Variants in MBP observed in about 807,000 individuals in gnomAD.
The protein encoded by MBP is Golli-MBP.
Under a neutral mutation model 35.8 loss-of-function variants are expected in MBP, and 16 were observed. The observed-to-expected ratio is 0.45, with a 90% CI of 0.30 to 0.68. MBP has a LOEUF of 0.68. Ranked by LOEUF, MBP falls within the 30% of genes least tolerant of loss-of-function variation. The pLI is 0.08. For synonymous variants in MBP, 143 were observed against 159.6 expected (o/e 0.90, Z 0.78); for missense variants, 380 against 404.7 (o/e 0.94, Z 0.52).
chr18:77,040,626 G>A (rs1255475958), intron 3 of MBP, among the ~76,000 whole-genome samples: 12 of 152,106 alleles, frequency 7.9e-5, no homozygotes, highest in East Asian at 1.9e-4. Context: ...AAATAATGCC[G>A]CGTATCTACA....
At chr18:77,015,485 A>G (rs894297710) in intron 4 of MBP, 3 of 985,446 alleles carry the variant, frequency 3.0e-6, no homozygotes, top group East Asian at 1.1e-4. Context: ...GTGAGGGAGG[A>G]CTGCTACAAA....
chr18:76,994,041 GTATT>G (rs149884920), intron 4 of MBP, among the ~76,000 whole-genome samples: 1 of 152,358 alleles, frequency 6.6e-6, no homozygotes, highest in East Asian at 1.9e-4. Context: ...GTGACCAGTT[GTATT>G]TAGTCACCAC....
chr18:77,048,901 G>A (rs930744959), intron 3 of MBP, among the ~76,000 whole-genome samples: 4 of 151,752 alleles, frequency 2.6e-5, no homozygotes, highest in Admixed American at 6.6e-5. Flanking sequence ...TAATCTCTAC[G>A]AGGGCAGGGT....
chr18:77,008,280 G>T (rs1468516105), intron 4 of MBP, among the ~76,000 whole-genome samples: 1 of 152,118 alleles, frequency 6.6e-6, no homozygotes, highest in African/African-American at 2.4e-5. Flanking sequence ...GGCAGGGGCT[G>T]GTGCATGCAG....
rs886494212 is a variant in MBP, at chr18:77,102,860, G to A, written c.51+2351C>T. Among the ~76,000 whole-genome samples, 1 of 152,072 alleles carries A rather than the reference G, an allele frequency of 6.6e-6. No individual in the cohort carries two copies. Among genetic ancestry groups the A allele is most frequent in the Non-Finnish European group, 1.5e-5 (1 of 68,010 alleles). On this transcript the variant is annotated intron_variant, in intron 2 of 8. Coordinates refer to ENST00000355994, the MANE Select transcript of MBP (RefSeq NM_001025101.2). This position sits in a 1 kb window ranked among gnomAD's most constrained non-coding sequence, Gnocchi z 4.4. ...ACTTTAGGTGAAACTTAATCCTCCT[G>A]GTGCAGATACTGTATCCAAGCCATG... is the stretch of plus-strand genomic sequence containing the variant.
intron 2 of MBP, among the ~76,000 whole-genome samples, chr18:77,083,647 TTAGC>T (rs1975070208): frequency 6.6e-6 from 1 of 152,250 alleles, no homozygotes; most frequent in Admixed American, 6.5e-5. Flanking sequence ...GGAATATTAC[TTAGC>T]TATATTTTAA....
chr18:77,056,994 A>G (rs1973752072), intron 3 of MBP, among the ~76,000 whole-genome samples: 1 of 152,164 alleles, frequency 6.6e-6, no homozygotes, highest in Non-Finnish European at 1.5e-5. Flanking sequence ...GCTGAGAAGC[A>G]GGGGGTCTTT....
intron 2 of MBP, among the ~76,000 whole-genome samples, chr18:77,086,168 A>G (rs1368199184): frequency 1.3e-5 from 2 of 152,250 alleles, no homozygotes; most frequent in Non-Finnish European, 1.5e-5. Context: ...CCCTGTGATC[A>G]GAAAGATGAA....
intron 2 of MBP, among the ~76,000 whole-genome samples, chr18:77,094,942 A>G (rs779931166): frequency 1.3e-5 from 2 of 152,198 alleles, no homozygotes; most frequent in Non-Finnish European, 2.9e-5. Flanking sequence ...ACAAATATAG[A>G]ACATCTCCAT....
In MBP at chr18:77,131,079, GCACGCGCACACACA is replaced by G. The variant is rs1220339963; in HGVS notation, c.-26+1487_-26+1500del. 5.1e-5 allele frequency among the ~76,000 whole-genome samples: 2 copies of G among 39,082 alleles called. No homozygotes were observed. The highest frequency in any genetic ancestry group is 1.3e-3 in the East Asian group (2 of 1,524). The allele number at this position is 39,082 out of a possible 152,430, so 25.6% of individuals were successfully genotyped here. On this transcript the variant is annotated intron_variant, in intron 1 of 8. Transcript: ENST00000355994. The surrounding 1 kb of genome is among the most constrained non-coding windows in gnomAD (Gnocchi z 5.5). Reference sequence around the variant, plus strand: ...AAACAAAACACACACACGCGCGCACGCACGCGCACACACACACACACACACACACACACACACAC... The same window carrying G: ...AAACAAAACACACACACGCGCGCACGCACACACACACACACACACACACAC...
At position 77,020,006 on chromosome 18, in the gene MBP, C is replaced by G. The variant is rs1292525541; in HGVS notation, c.140-2738G>C. Among the ~76,000 whole-genome samples the G allele has an allele frequency of 6.6e-6, 1 of 152,080 alleles. No individual in the cohort carries two copies. The highest frequency in any genetic ancestry group is 1.5e-5 in the Non-Finnish European group (1 of 68,006). On this transcript the variant is annotated intron_variant, in intron 3 of 8. Coordinates refer to ENST00000355994, the MANE Select transcript of MBP (RefSeq NM_001025101.2). This position sits in a 1 kb window ranked among gnomAD's most constrained non-coding sequence, Gnocchi z 4.1. ...AGCAGGGGTATCACAGCCTTGATGG[C>G]TGTGAACAGACTGTGGAAAGGGCAG...
upstream of MBP, among the ~76,000 whole-genome samples, chr18:77,133,107 C>T (rs62104566): frequency 0.1 from 15,950 of 152,184 alleles, 1,009 homozygotes; most frequent in Middle Eastern, 0.16. Flanking sequence ...CGACCCCGAC[C>T]TCGACCTCGC....
chr18:77,066,321 G>C lies in MBP; in HGVS notation c.116C>G (p.Thr39Ser). ...ACCGAACACTTCGTTGTCCTCTGAG[G>C]TTGTCCGTGAAAGTTCACCCAGGTT... ...KRNLGELSRT[T>S]SEDNEVFGEA... Residue 39 changes from threonine to serine, a missense_variant, in exon 3 of 9, where the codon ACC becomes AGC. Transcript: ENST00000355994. 1 of 1,614,108 alleles carries C rather than the reference G, an allele frequency of 6.2e-7. No individual in the cohort carries two copies. Among genetic ancestry groups the C allele is most frequent in the Non-Finnish European group, 8.5e-7 (1 of 1,179,952 alleles).
intron 2 of MBP, among the ~76,000 whole-genome samples, chr18:77,076,511 G>A (rs903948537): frequency 3.9e-5 from 6 of 152,342 alleles, no homozygotes; most frequent in Non-Finnish European, 7.3e-5. Context: ...CGTCGCTGCT[G>A]AGTCCTGCCT....
In MBP at chr18:76,984,922, C is replaced by T. The variant is rs1248039969; in HGVS notation, c.751-28G>A. The T allele has an allele frequency of 1.9e-6, 3 of 1,610,860 alleles. No homozygotes were observed. In the Admixed American group the frequency reaches 5.0e-5, roughly 27 times the overall value. On this transcript the variant is annotated intron_variant, in intron 7 of 8. Coordinates refer to ENST00000355994, the MANE Select transcript of MBP (RefSeq NM_001025101.2). Reference sequence around the variant, plus strand: ...GCAAGAGAAGACCACGGAGCTCAACCTCCACCCGCGGTGCTGGGCACGCTG... The same window carrying T: ...GCAAGAGAAGACCACGGAGCTCAACTTCCACCCGCGGTGCTGGGCACGCTG...
At chr18:77,125,910 A>G (rs1406400698) in intron 1 of MBP, among the ~76,000 whole-genome samples, 3 of 151,896 alleles carry the variant, frequency 2.0e-5, no homozygotes, top group African/African-American at 7.2e-5. Flanking sequence ...AGCTAAATAT[A>G]TACAAACAAA....
At chr18:77,123,864 G>A (rs1199234498) in intron 1 of MBP, among the ~76,000 whole-genome samples, 1 of 152,216 alleles carries the variant, frequency 6.6e-6, no homozygotes, top group Non-Finnish European at 1.5e-5. Flanking sequence ...GGAGCTTTAG[G>A]TTTCTTAATC....
chr18:77,067,271 T>A (rs2144811758), intron 2 of MBP, among the ~76,000 whole-genome samples: 1 of 152,172 alleles, frequency 6.6e-6, no homozygotes, highest in East Asian at 1.9e-4. Flanking sequence ...TGCACAATCA[T>A]CTGGGCACCT....
At chr18:77,080,447 G>A (rs1334017478) in intron 2 of MBP, among the ~76,000 whole-genome samples, 2 of 152,214 alleles carry the variant, frequency 1.3e-5, no homozygotes, top group African/African-American at 4.8e-5. Context: ...TGAGGCAGAG[G>A]CTGCCCTGCG....
Sources: allele counts gnomAD v4.1 joint callset (sites outside exome capture counted in the v4.1 genomes callset), GRCh38; gene constraint gnomAD v4.1.1; non-coding constraint Gnocchi (gnomAD v3.1); transcripts MANE v1.5; gene names NCBI Gene and HGNC (gene_info 2026-07-23, HGNC 2026-07-21).